The following MRTFA variants were observed in gnomAD, a reference collection of about 807,000 sequenced individuals.
MRTFA encodes the protein myocardin-related transcription factor A.
MRTFA carries 20 observed loss-of-function variants against 83.5 expected under a neutral mutation model. The ratio of observed to expected loss-of-function variants is 0.24; its 90% confidence interval spans 0.17 to 0.35. The LOEUF is 0.35. Among genes scored for constraint, MRTFA ranks in the 10% least tolerant of loss-of-function variants. MRTFA has a pLI of 1.00. For missense variants in MRTFA, 1,200 were observed against 1,224.7 expected (o/e 0.98, Z 0.30); for synonymous variants, 659 against 541.2 (o/e 1.22, Z -3.02).
At chr22:40,470,327 T>C (rs1395361683) in intron 3 of MRTFA, among the ~76,000 whole-genome samples, 1 of 135,930 alleles carries the variant, frequency 7.4e-6, no homozygotes, top group Non-Finnish European at 1.5e-5. Context: ...AATTCATAAA[T>C]ATGCAGAAAT....
chr22:40,422,594 A>C (rs775442393), intron 9 of MRTFA, among the ~76,000 whole-genome samples: 2 of 152,232 alleles, frequency 1.3e-5, no homozygotes, highest in Non-Finnish European at 2.9e-5. Context: ...GAGGAGACTG[A>C]CATTCAGGAA....
At chr22:40,420,639 C>G in intron 10 of MRTFA, 63 bp from the exon 11 acceptor site, 1 of 1,583,988 alleles carries the variant, frequency 6.3e-7, no homozygotes, top group Non-Finnish European at 8.6e-7. Context: ...CAGGTGGCAG[C>G]CCAAGCCTGG....
rs148106089 is a variant in MRTFA, at chr22:40,609,482, CAAAAAAAAAAAA to C, written c.-83-14759_-83-14748del. Among the ~76,000 whole-genome samples the C allele has an allele frequency of 5.7e-5, 4 of 69,718 alleles. No homozygotes were observed. The East Asian group carries it at 1.4e-3, about 25-fold the overall frequency. The allele number at this position is 69,718 out of a possible 152,430, so 45.7% of individuals were successfully genotyped here. ...ACAGAGTGAGACCCTGTCTCTTTAA[CAAAAAAAAAAAA>C]AAAAAAAAAACACTTTAAATTTTTG... On this transcript the variant is annotated intron_variant, in intron 1 of 14. Coordinates refer to ENST00000355630, the MANE Select transcript of MRTFA (RefSeq NM_020831.6).
At chr22:40,511,257 T>C (rs975188065) in intron 3 of MRTFA, among the ~76,000 whole-genome samples, 1 of 151,984 alleles carries the variant, frequency 6.6e-6, no homozygotes, top group African/African-American at 2.4e-5. Flanking sequence ...ACAAGTCAAA[T>C]AGATATGACA....
intron 4 of MRTFA, among the ~76,000 whole-genome samples, chr22:40,450,487 A>C (rs1446327535): frequency 6.6e-6 from 1 of 151,870 alleles, no homozygotes; most frequent in East Asian, 1.9e-4. Context: ...ATGGAGTCTA[A>C]CTCTGTCGCC....
At chr22:40,473,883 C>T (rs550782360) in intron 3 of MRTFA, among the ~76,000 whole-genome samples, 2 of 152,312 alleles carry the variant, frequency 1.3e-5, no homozygotes, top group South Asian at 4.1e-4. Context: ...TCAGAACACT[C>T]ACCAGTTTCA....
Position 40,410,612 on chromosome 22 carries a change from T to C in MRTFA, c.*778A>G, listed in dbSNP as rs954720665. 12 of 233,334 alleles carry C rather than the reference T, an allele frequency of 5.1e-5. No individual in the cohort carries two copies. Among genetic ancestry groups the C allele is most frequent in the African/African-American group, 2.2e-4 (10 of 45,316 alleles). 14.5% of individuals were successfully genotyped at this position (233,334 alleles called of 1,614,324 possible). ...GCCAGGAAGCAGGGCAGGTGGGGCA[T>C]AGGCCGTGGCAGGGTACCTACATGT... On this transcript the variant is annotated 3_prime_UTR_variant, in exon 15 of 15. Coordinates refer to ENST00000355630, the MANE Select transcript of MRTFA (RefSeq NM_020831.6).
chr22:40,418,621 G>A lies in MRTFA; in HGVS notation c.2117C>T (p.Thr706Ile). The A allele has an allele frequency of 3.3e-6, 5 of 1,532,688 alleles. 1 individual carries two copies. Among genetic ancestry groups the A allele is most frequent in the South Asian group, 2.6e-5 (2 of 77,280 alleles). 94.9% of individuals were successfully genotyped at this position (1,532,688 alleles called of 1,614,324 possible). A position where few individuals can be genotyped will look rare whatever the true frequency, so the allele number is the denominator to read the frequency against. The stretch of plus-strand genomic sequence containing the variant: ...CACAGCACAAGGGTCTATGTGGTTG[G>A]TGGCTGGGGCCGCCAGGCTGGGGTT... The change falls in exon 12 of 15, where the codon ACC (threonine) becomes ATC (isoleucine). Residue 706 changes from threonine to isoleucine, a missense_variant. By Grantham distance (89) the Thr-to-Ile change is moderately conservative. Coordinates refer to ENST00000355630, the MANE Select transcript of MRTFA (RefSeq NM_020831.6).
chr22:40,471,785 T>G (rs2053919829), intron 3 of MRTFA, among the ~76,000 whole-genome samples: 1 of 151,942 alleles, frequency 6.6e-6, no homozygotes, highest in African/African-American at 2.4e-5. Flanking sequence ...GGCAGGAAAA[T>G]CACTTGAATC....
chr22:40,502,767 CG>C (rs528113133), intron 3 of MRTFA, among the ~76,000 whole-genome samples: 91 of 151,956 alleles, frequency 6.0e-4, no homozygotes, highest in African/African-American at 1.6e-3. Context: ...TCCCGGGCGG[CG>C]CTCGCCGGCG....
At chr22:40,441,405 T>C (rs773011933) in intron 4 of MRTFA, among the ~76,000 whole-genome samples, 1 of 152,206 alleles carries the variant, frequency 6.6e-6, no homozygotes, top group Non-Finnish European at 1.5e-5. Context: ...CTCTCCTAAC[T>C]TGTTTGCTGC....
intron 4 of MRTFA, among the ~76,000 whole-genome samples, chr22:40,435,892 G>A (rs1265791661): frequency 2.0e-5 from 3 of 148,342 alleles, no homozygotes; most frequent in East Asian, 2.0e-4. Context: ...CCGAGATTGC[G>A]CCACTGCACT....
chr22:40,594,337 A>C (rs1215439522), intron 2 of MRTFA, among the ~76,000 whole-genome samples: 2 of 152,194 alleles, frequency 1.3e-5, no homozygotes, highest in African/African-American at 4.8e-5. Flanking sequence ...AATGGCTCCA[A>C]CACAAAAACT....
At chr22:40,609,503 A>C (rs1335103117) in intron 1 of MRTFA, among the ~76,000 whole-genome samples, 2 of 151,212 alleles carry the variant, frequency 1.3e-5, no homozygotes, top group Non-Finnish European at 3.0e-5. Flanking sequence ...AAAAAAAAAA[A>C]ACACTTTAAA....
intron 4 of MRTFA, among the ~76,000 whole-genome samples, chr22:40,459,119 T>C (rs1287811575): frequency 7.0e-6 from 1 of 143,130 alleles, no homozygotes; most frequent in African/African-American, 2.6e-5. Flanking sequence ...AGGAGTGGGA[T>C]TAGTGGGAGT....
intron 3 of MRTFA, among the ~76,000 whole-genome samples, chr22:40,547,925 T>C (rs956955538): frequency 6.6e-6 from 1 of 151,748 alleles, no homozygotes; most frequent in Non-Finnish European, 1.5e-5. Flanking sequence ...AGTACTATGA[T>C]TTCATCATAA....
In MRTFA at chr22:40,545,183, G is replaced by A. The variant is rs12158597; in HGVS notation, c.241+6923C>T. Among the ~76,000 whole-genome samples the A allele has an allele frequency of 7.7e-3, 1,171 of 152,162 alleles. 27 individuals carry two copies. The highest frequency in any genetic ancestry group is 0.075 in the Middle Eastern group (22 of 294). On this transcript the variant is annotated intron_variant, in intron 3 of 14. Transcript: ENST00000355630. ...TGTTTCCAGGCTTCTCCAAGCCCTG[G>A]CTAGATAGGATCCACAAGCAGATCA...
At chr22:40,578,400 G>T (rs1326207241) in intron 2 of MRTFA, among the ~76,000 whole-genome samples, 1 of 152,168 alleles carries the variant, frequency 6.6e-6, no homozygotes, top group Non-Finnish European at 1.5e-5. Context: ...GAGGAAAAAA[G>T]AAAATGAAAC....
At chr22:40,569,835 C>T (rs1273984519) in intron 2 of MRTFA, 1 of 152,852 alleles carries the variant, frequency 6.5e-6, no homozygotes, top group East Asian at 1.9e-4. Flanking sequence ...AGTCTCTCTG[C>T]CCTATACCCT....
Sources: allele counts gnomAD v4.1 joint callset (sites outside exome capture counted in the v4.1 genomes callset), GRCh38; gene constraint gnomAD v4.1.1; transcripts MANE v1.5; gene names NCBI Gene and HGNC (gene_info 2026-07-23, HGNC 2026-07-21).